The following C12orf42 variants were observed in gnomAD, a reference collection of about 807,000 sequenced individuals.
C12orf42 encodes uncharacterized protein C12orf42.
C12orf42 carries 25 observed loss-of-function variants against 21.6 expected under a neutral mutation model. The ratio of observed to expected loss-of-function variants is 1.16; its 90% confidence interval spans 0.84 to 1.62. The LOEUF is 1.62. Ranked by LOEUF, C12orf42 falls within the 40% of genes most tolerant of loss-of-function variation. The pLI, the probability that C12orf42 is intolerant of heterozygous loss-of-function variation, is 0.00. For synonymous variants in C12orf42, 174 were observed against 175.0 expected, an observed-to-expected ratio of 0.99 and a Z score of 0.05; for missense variants, 483 against 459.3, an observed-to-expected ratio of 1.05 and a Z score of -0.47.
chr12:103,179,436 C>T, the C12orf42 span, among the ~76,000 whole-genome samples: 1 of 151,972 alleles, frequency 6.6e-6, no homozygotes, highest in Non-Finnish European at 1.5e-5. Context: ...ACCAATTAAC[C>T]AAGTGAGAAA....
At chr12:103,520,628 G>A in the C12orf42 span, among the ~76,000 whole-genome samples, 2 of 152,004 alleles carry the variant, frequency 1.3e-5, no homozygotes, top group African/African-American at 4.8e-5. Context: ...CAACTGCAGT[G>A]AGCTATGATC....
chr12:103,269,748 C>T (rs58616642), intron 6 of C12orf42: 12,136 of 152,156 alleles, frequency 0.08, 495 homozygotes, highest in East Asian at 0.19. Flanking sequence ...GGGACAAATC[C>T]AGTGCTGTGT....
intron 4 of C12orf42, among the ~76,000 whole-genome samples, chr12:103,331,504 T>A (rs1292304354): frequency 6.6e-6 from 1 of 152,228 alleles, no homozygotes; most frequent in Non-Finnish European, 1.5e-5. Context: ...GTTCTGCTCT[T>A]GTTGACTTTA....
intron 4 of C12orf42, among the ~76,000 whole-genome samples, chr12:103,357,871 T>C (rs1326153895): frequency 6.6e-6 from 1 of 152,166 alleles, no homozygotes; most frequent in Non-Finnish European, 1.5e-5. Context: ...AATTAGTGTT[T>C]GCTGTGTAAT....
the C12orf42 span, among the ~76,000 whole-genome samples, chr12:103,065,529 T>C: frequency 6.6e-6 from 1 of 152,318 alleles, no homozygotes; most frequent in Non-Finnish European, 1.5e-5. Context: ...TGCTTTTCAC[T>C]TCAACAAGAT....
At chr12:103,474,993 G>GA (rs1304854842) in intron 2 of C12orf42, among the ~76,000 whole-genome samples, 2 of 152,174 alleles carry the variant, frequency 1.3e-5, no homozygotes, top group Non-Finnish European at 2.9e-5. Flanking sequence ...AGGATTCTCT[G>GA]AAAAAATACA....
At chr12:103,442,368 G>A (rs10861013) in intron 2 of C12orf42, among the ~76,000 whole-genome samples, 94,717 of 151,984 alleles carry the variant, frequency 0.62, 30,489 homozygotes, top group Admixed American at 0.72. Flanking sequence ...GAACAATGAC[G>A]TTTGCATGCA....
intron 10 of C12orf42, among the ~76,000 whole-genome samples, chr12:103,251,020 A>G (rs1462355373): frequency 6.6e-6 from 1 of 152,082 alleles, no homozygotes; most frequent in African/African-American, 2.4e-5. Flanking sequence ...CTGGCACTTA[A>G]GTGACAATCA....
chr12:103,496,811 G>A (rs1593040292), upstream of C12orf42, among the ~76,000 whole-genome samples: 1 of 58,952 alleles, frequency 1.7e-5, no homozygotes, highest in Non-Finnish European at 3.4e-5. Context: ...ATTTCTAGCC[G>A]GGAAAAAAAA....
chr12:103,358,918 C>T (rs533808710), intron 4 of C12orf42, among the ~76,000 whole-genome samples: 1 of 152,178 alleles, frequency 6.6e-6, no homozygotes, highest in South Asian at 2.1e-4. Flanking sequence ...CTTGAATAAT[C>T]TCCCACTGAG....
chr12:103,339,077 T>C (rs962363010), intron 4 of C12orf42, among the ~76,000 whole-genome samples: 2 of 152,216 alleles, frequency 1.3e-5, no homozygotes, highest in African/African-American at 2.4e-5. Context: ...TAAATTAGAT[T>C]TAGAATCCTT....
At chr12:103,394,863 G>T (rs2047382098) in intron 3 of C12orf42, among the ~76,000 whole-genome samples, 2 of 152,208 alleles carry the variant, frequency 1.3e-5, no homozygotes, top group Admixed American at 6.5e-5. Flanking sequence ...GGGAAGACAG[G>T]TGGGAGATAT....
the C12orf42 span, among the ~76,000 whole-genome samples, chr12:103,232,294 A>G: frequency 1.3e-5 from 2 of 152,028 alleles, no homozygotes; most frequent in Admixed American, 1.3e-4. Flanking sequence ...GCACAGTAGA[A>G]TTTTTTTATA....
intron 3 of C12orf42, among the ~76,000 whole-genome samples, chr12:103,396,331 C>G (rs1186748423): frequency 6.6e-6 from 1 of 152,104 alleles, no homozygotes. Context: ...TTCTCCTTCA[C>G]CTTTCACCAT....
At chr12:103,266,043 A>G (rs1441976603), downstream of C12orf42, among the ~76,000 whole-genome samples, 1 of 152,038 alleles carries the variant, frequency 6.6e-6, no homozygotes, top group Non-Finnish European at 1.5e-5. Flanking sequence ...TTGCCTGTAA[A>G]AGTTTACCAG....
chr12:103,247,112 T>G (rs2136184508), intron 10 of C12orf42, among the ~76,000 whole-genome samples: 1 of 152,102 alleles, frequency 6.6e-6, no homozygotes, highest in African/African-American at 2.4e-5. Flanking sequence ...ATAAGAAATT[T>G]CAAGACTATG....
chr12:103,450,570 G>T (rs1212429526), intron 2 of C12orf42, among the ~76,000 whole-genome samples: 1 of 152,076 alleles, frequency 6.6e-6, no homozygotes, highest in African/African-American at 2.4e-5. Flanking sequence ...TCACAGCATT[G>T]TTCCACAGCA....
intron 10 of C12orf42, chr12:103,262,242 A>G (rs2034933525): frequency 6.6e-6 from 1 of 152,248 alleles, no homozygotes; most frequent in Non-Finnish European, 1.5e-5. Flanking sequence ...TCCTAAGGGA[A>G]CAGTCAGAGA....
the C12orf42 span, among the ~76,000 whole-genome samples, chr12:103,148,517 G>GAC: frequency 6.6e-6 from 1 of 151,946 alleles, no homozygotes; most frequent in African/African-American, 2.4e-5. Flanking sequence ...TTCCTTTAGT[G>GAC]CTATTTATTG....
Sources: allele counts gnomAD v4.1 joint callset (sites outside exome capture counted in the v4.1 genomes callset), GRCh38; gene constraint gnomAD v4.1.1; transcripts MANE v1.5; gene names NCBI Gene and HGNC (gene_info 2026-07-23, HGNC 2026-07-21).